The following CTIF variants were observed in gnomAD, a reference collection of about 807,000 sequenced individuals.
CTIF encodes the protein CBP80/20-dependent translation initiation factor.
CTIF carries 21 observed loss-of-function variants against 66.0 expected under a neutral mutation model. The observed-to-expected ratio is 0.32, with a 90% CI of 0.23 to 0.46. The LOEUF (loss-of-function observed/expected upper bound fraction) is 0.46. Ranked by LOEUF, CTIF falls within the 20% of genes least tolerant of loss-of-function variation. CTIF has a pLI of 1.00. For synonymous variants in CTIF, 345 were observed against 326.4 expected (o/e 1.06, Z -0.62); for missense variants, 739 against 812.7 (o/e 0.91, Z 1.10).
chr18:48,859,280 TCAGGGTGGC>T (rs1470970393), intron 11 of CTIF, 55 bp from the exon 12 acceptor site: 1 of 1,385,152 alleles, frequency 7.2e-7, no homozygotes, highest in Admixed American at 1.7e-5. Flanking sequence ...GCCCACCTAA[TCAGGGTGGC>T]CAGTGGGCCA....
chr18:48,848,951 T>C (rs1050950498), intron 10 of CTIF, among the ~76,000 whole-genome samples: 1 of 152,236 alleles, frequency 6.6e-6, no homozygotes, highest in African/African-American at 2.4e-5. Context: ...CTTGGATTCT[T>C]GTCCAAGAAA....
chr18:48,599,851 G>T (rs144402853), intron 1 of CTIF, among the ~76,000 whole-genome samples: 3 of 152,316 alleles, frequency 2.0e-5, no homozygotes, highest in African/African-American at 4.8e-5. Flanking sequence ...AAGGCCCCCA[G>T]TGTGATGTGA....
rs1360066597 is a variant in CTIF at position 48,670,654 on chromosome 18, T to C, written c.432-15T>C. On this transcript the variant is annotated splice_polypyrimidine_tract_variant and intron_variant, in intron 5 of 11. Transcript: ENST00000256413. ...GAGCCATCTTTCCAATGCCTTTCTG[T>C]CTTTTCTGGTCCAGGTGTGGCAAAG... The C allele has an allele frequency of 6.2e-7, 1 of 1,612,862 alleles. No homozygotes were observed. The highest frequency in any genetic ancestry group is 1.3e-5 in the African/African-American group (1 of 74,866).
At chr18:48,851,263 C>T (rs1002470220) in intron 10 of CTIF, among the ~76,000 whole-genome samples, 2 of 152,150 alleles carry the variant, frequency 1.3e-5, no homozygotes, top group African/African-American at 4.8e-5. Context: ...GGGGAAGTCA[C>T]AAAGATACGA....
At chr18:48,548,280 C>A (rs2088802604) in intron 1 of CTIF, among the ~76,000 whole-genome samples, 1 of 152,212 alleles carries the variant, frequency 6.6e-6, no homozygotes, top group Non-Finnish European at 1.5e-5. Context: ...TGGGAACACA[C>A]AGGCCTGTCC....
At chr18:48,640,759 C>T (rs1394728832) in intron 3 of CTIF, among the ~76,000 whole-genome samples, 1 of 152,236 alleles carries the variant, frequency 6.6e-6, no homozygotes, top group Non-Finnish European at 1.5e-5. Context: ...GATGTGGCCC[C>T]ATTTGCAGAT....
At chr18:48,575,166 G>A (rs2089503533) in intron 1 of CTIF, among the ~76,000 whole-genome samples, 1 of 152,240 alleles carries the variant, frequency 6.6e-6, no homozygotes, top group South Asian at 2.1e-4. Flanking sequence ...CGTCAGGTCA[G>A]CACGTAGGCC....
At chr18:48,698,104 TAAAAAAAAAAAAAAA>T (rs527429582) in intron 6 of CTIF, among the ~76,000 whole-genome samples, 16 of 13,068 alleles carry the variant, frequency 1.2e-3, no homozygotes, top group Admixed American at 5.4e-3. Context: ...TAGCCATCAT[TAAAAAAAAAAAAAAA>T]AAAAAAAAAA....
intron 6 of CTIF, among the ~76,000 whole-genome samples, chr18:48,708,649 C>A (rs1174415685): frequency 6.6e-6 from 1 of 152,204 alleles, no homozygotes; most frequent in Non-Finnish European, 1.5e-5. Flanking sequence ...GGGAGGACCT[C>A]AGAGGGTGCA....
chr18:48,609,017 C>T (rs2090258414), intron 1 of CTIF, among the ~76,000 whole-genome samples: 1 of 152,194 alleles, frequency 6.6e-6, no homozygotes, highest in African/African-American at 2.4e-5. Context: ...TAGCATGCTC[C>T]AAGTTAATTT....
intron 10 of CTIF, among the ~76,000 whole-genome samples, chr18:48,854,656 C>T (rs544533832): frequency 2.6e-5 from 4 of 152,250 alleles, no homozygotes; most frequent in South Asian, 4.1e-4. Context: ...CATGGTGGCT[C>T]ACACCTATAA....
intron 1 of CTIF, among the ~76,000 whole-genome samples, chr18:48,558,989 A>T (rs1254843220): frequency 2.6e-5 from 4 of 152,258 alleles, no homozygotes; most frequent in Non-Finnish European, 5.9e-5. Flanking sequence ...GTTATGTTGT[A>T]GGAGAGATAA....
intron 2 of CTIF, among the ~76,000 whole-genome samples, chr18:48,624,448 T>C (rs987355480): frequency 3.3e-5 from 5 of 152,158 alleles, no homozygotes; most frequent in African/African-American, 1.2e-4. Context: ...TAGATTTCTT[T>C]CCTATAGAAA....
chr18:48,775,590 T>C (rs943707058), intron 9 of CTIF, among the ~76,000 whole-genome samples: 2 of 152,232 alleles, frequency 1.3e-5, no homozygotes, highest in Non-Finnish European at 2.9e-5. Context: ...AGCTCAGTAC[T>C]GTGAAACCCC....
rs551144982 is a variant in CTIF at position 48,746,940 on chromosome 18, C to T, written c.585-10979C>T. 4.1e-4 allele frequency among the ~76,000 whole-genome samples: 63 copies of T among 152,248 alleles called. 2 individuals are homozygous for T. The highest frequency in any genetic ancestry group is 1.4e-3 in the African/African-American group (59 of 41,542). On this transcript the variant is annotated intron_variant, in intron 7 of 11. Transcript: ENST00000256413. ...CAGGAAGCCCTCCCTAACCTCACCC[C>T]GAGAACTCACCAGACCCCATGTCTC...
chr18:48,570,112 A>G (rs2089377975), intron 1 of CTIF, among the ~76,000 whole-genome samples: 1 of 152,198 alleles, frequency 6.6e-6, no homozygotes, highest in Non-Finnish European at 1.5e-5. Context: ...TGAGTGGAAG[A>G]GCAGAGATCC....
At chr18:48,778,600 C>G (rs1026080599) in intron 9 of CTIF, among the ~76,000 whole-genome samples, 1 of 152,030 alleles carries the variant, frequency 6.6e-6, no homozygotes, top group African/African-American at 2.4e-5. Flanking sequence ...CACCCCATTT[C>G]TGATTTCTAC....
intron 3 of CTIF, among the ~76,000 whole-genome samples, chr18:48,662,867 A>G (rs1333507227): frequency 2.6e-5 from 4 of 152,124 alleles, no homozygotes; most frequent in Non-Finnish European, 4.4e-5. Context: ...TGATACTCCA[A>G]TATGTGAACA....
At chr18:48,556,375 C>G (rs1045698502) in intron 1 of CTIF, among the ~76,000 whole-genome samples, 3 of 152,274 alleles carry the variant, frequency 2.0e-5, no homozygotes, top group Non-Finnish European at 1.5e-5. Flanking sequence ...GTTTCCTCAC[C>G]TTGCCTTTGA....
Sources: allele counts gnomAD v4.1 joint callset (sites outside exome capture counted in the v4.1 genomes callset), GRCh38; gene constraint gnomAD v4.1.1; transcripts MANE v1.5; gene names NCBI Gene and HGNC (gene_info 2026-07-23, HGNC 2026-07-21).